INTU: variants seen among roughly 807,000 people sequenced by gnomAD.
The protein encoded by INTU is protein inturned.
A neutral mutation model predicts 100.5 loss-of-function variants in INTU; 68 were observed. The observed-to-expected ratio is 0.68, with a 90% CI of 0.56 to 0.83. The LOEUF (loss-of-function observed/expected upper bound fraction) is 0.83. Ranked by LOEUF, INTU falls within the 40% of genes least tolerant of loss-of-function variation. INTU has a pLI of 0.00. For synonymous variants in INTU, 357 were observed against 395.7 expected, an observed-to-expected ratio of 0.90 and a Z score of 1.16; for missense variants, 1,071 against 1,114.7, an observed-to-expected ratio of 0.96 and a Z score of 0.56.
intron 6 of INTU, 151 bp from the exon 7 acceptor site, chr4:127,684,258 T>C: frequency 1.8e-6 from 1 of 548,914 alleles, no homozygotes; most frequent in Non-Finnish European, 3.2e-6. Context: ...TCAATGGTCA[T>C]TGAAAGCGAC....
intron 6 of INTU, among the ~76,000 whole-genome samples, chr4:127,681,776 T>A (rs2126224323): frequency 6.6e-6 from 1 of 152,012 alleles, no homozygotes; most frequent in African/African-American, 2.4e-5. Flanking sequence ...ACTAAAGAGC[T>A]TCTACACAGC....
chr4:127,669,604 C>T, intron 5 of INTU, among the ~76,000 whole-genome samples: 1 of 151,738 alleles, frequency 6.6e-6, no homozygotes, highest in Non-Finnish European at 1.5e-5. Flanking sequence ...AATGACTGAA[C>T]ACGAAAATTG....
intron 12 of INTU, 62 bp downstream of exon 12, chr4:127,707,031 A>G: frequency 1.3e-6 from 2 of 1,519,992 alleles, no homozygotes; most frequent in East Asian, 2.3e-5. Context: ...TCCTTGTTTT[A>G]TAATTGCAAG....
At chr4:127,706,457 A>T (rs752879893) in intron 11 of INTU, 30 bp from the exon 12 acceptor site, 50 of 1,558,920 alleles carry the variant, frequency 3.2e-5, no homozygotes, top group Non-Finnish European at 3.6e-5. Flanking sequence ...ATGGTAGCTA[A>T]ACCTACATTT....
At chr4:127,639,896 G>A (rs1003569162) in intron 1 of INTU, among the ~76,000 whole-genome samples, 1 of 151,984 alleles carries the variant, frequency 6.6e-6, no homozygotes, top group African/African-American at 2.4e-5. Flanking sequence ...CTTTGTACCC[G>A]TCGACCAATC....
At chr4:127,645,007 C>T (rs535926663) in intron 2 of INTU, among the ~76,000 whole-genome samples, 14 of 152,172 alleles carry the variant, frequency 9.2e-5, no homozygotes, top group Middle Eastern at 3.4e-3. Flanking sequence ...GTGGAAGAGA[C>T]GGGTTACAGA....
intron 13 of INTU, 46 bp downstream of exon 13, chr4:127,708,714 A>C (rs373154476): frequency 9.6e-5 from 94 of 976,240 alleles, no homozygotes; most frequent in Non-Finnish European, 1.7e-5. Context: ...AGGAAGTTTT[A>C]CAGTGAGAAA....
chr4:127,705,468 A>AC, intron 10 of INTU, 123 bp from the exon 11 acceptor site: 1 of 727,546 alleles, frequency 1.4e-6, no homozygotes, highest in Non-Finnish European at 2.4e-6. Flanking sequence ...ATCTTCATTT[A>AC]CCCCATTTGA....
At position 127,633,004 on chromosome 4, in the gene INTU, T is replaced by C; in HGVS notation, c.-31T>C. The C allele has an allele frequency of 6.3e-7, 1 of 1,595,844 alleles. No homozygotes were observed. The highest frequency in any genetic ancestry group is 1.1e-5 in the South Asian group (1 of 90,072). On this transcript the variant is annotated 5_prime_UTR_variant, in exon 1 of 16. Transcript: ENST00000335251. ...CAAGCTATAGCTGCGAGATTTGAAT[T>C]ACTCCACTCGTAGCTATTGCATTCC...
rs368876274 is a variant in INTU, at chr4:127,654,289, C to T, written c.683-2347C>T. On this transcript the variant is annotated intron_variant, in intron 2 of 15. Coordinates refer to ENST00000335251, the MANE Select transcript of INTU (RefSeq NM_015693.4). ...TATGATGTTAGCTGGTGATTTTGCT[C>T]GTTAGTTGATGCAGTTTCTTCGTAG... Among the ~76,000 whole-genome samples the T allele has an allele frequency of 2.1e-4, 32 of 152,130 alleles. No individual in the cohort carries two copies. The East Asian group carries it at 6.0e-3, about 28-fold the overall frequency.
intron 8 of INTU, among the ~76,000 whole-genome samples, 200 bp from the exon 9 acceptor site, chr4:127,699,810 A>G (rs1730565955): frequency 2.6e-5 from 4 of 152,232 alleles, no homozygotes; most frequent in South Asian, 2.1e-4. Context: ...TAAAAACAAT[A>G]TGTTAAATAA....
intron 4 of INTU, among the ~76,000 whole-genome samples, chr4:127,665,694 G>C (rs1289008374): frequency 6.6e-6 from 1 of 152,216 alleles, no homozygotes; most frequent in South Asian, 2.1e-4. Context: ...ATTCCCAAGG[G>C]CTTAGGAGTC....
intron 6 of INTU, among the ~76,000 whole-genome samples, chr4:127,674,687 T>C (rs1729092830): frequency 6.6e-6 from 1 of 152,238 alleles, no homozygotes; most frequent in Non-Finnish European, 1.5e-5. Context: ...GGTCTCCCTC[T>C]TAACTTTTTT....
At chr4:127,638,698 T>C (rs1727179415) in intron 1 of INTU, among the ~76,000 whole-genome samples, 1 of 152,190 alleles carries the variant, frequency 6.6e-6, no homozygotes, top group Non-Finnish European at 1.5e-5. Context: ...GAAGAAGGGC[T>C]CTACTCCTGT....
At chr4:127,669,705 T>C (rs1222851134) in intron 5 of INTU, among the ~76,000 whole-genome samples, 1 of 151,874 alleles carries the variant, frequency 6.6e-6, no homozygotes, top group African/African-American at 2.4e-5. Flanking sequence ...CTGTGAATTT[T>C]CCTGCCCTCC....
rs770294668 is a variant in INTU, at chr4:127,716,465, T to C, written c.*29T>C. 6 of 1,046,984 alleles carry C rather than the reference T, an allele frequency of 5.7e-6. No homozygotes were observed. The highest frequency in any genetic ancestry group is 8.4e-6 in the Non-Finnish European group (6 of 712,252). 64.9% of individuals were successfully genotyped at this position (1,046,984 alleles called of 1,614,324 possible). A position where few individuals can be genotyped will look rare whatever the true frequency, so the allele number is the denominator to read the frequency against. On this transcript the variant is annotated 3_prime_UTR_variant, in exon 16 of 16. Transcript: ENST00000335251. ...TGCTTTCTTGATGCGTAGAAACACG[T>C]GCATGGAGGATCAAACACTGTCAGA...
At chr4:127,639,388 TA>T (rs1727211622) in intron 1 of INTU, among the ~76,000 whole-genome samples, 2 of 152,146 alleles carry the variant, frequency 1.3e-5, no homozygotes, top group South Asian at 4.1e-4. Context: ...GTATAGTCAC[TA>T]AGTCTATACT....
intron 6 of INTU, among the ~76,000 whole-genome samples, chr4:127,679,571 A>G (rs1729416476): frequency 6.6e-6 from 1 of 152,212 alleles, no homozygotes; most frequent in Non-Finnish European, 1.5e-5. Context: ...CAAAGACACA[A>G]CATACCAGAA....
chr4:127,710,752 G>A (rs1188959983), intron 13 of INTU, among the ~76,000 whole-genome samples, 161 bp from the exon 14 acceptor site: 1 of 152,118 alleles, frequency 6.6e-6, no homozygotes, highest in Non-Finnish European at 1.5e-5. Flanking sequence ...CGGATGAAGA[G>A]GGAATTAAAT....
Sources: allele counts gnomAD v4.1 joint callset (sites outside exome capture counted in the v4.1 genomes callset), GRCh38; gene constraint gnomAD v4.1.1; transcripts MANE v1.5; gene names NCBI Gene and HGNC (gene_info 2026-07-23, HGNC 2026-07-21).